Variants in ADGRB3 observed in about 807,000 individuals in gnomAD.
ADGRB3 encodes the protein adhesion G protein-coupled receptor B3, also known as brain-specific angiogenesis inhibitor 3.
In ADGRB3, 37 loss-of-function variants were observed where a neutral mutation model predicts 193.4. The observed-to-expected ratio is 0.19, with a 90% confidence interval of 0.15 to 0.25. ADGRB3 has a LOEUF of 0.25. Among genes scored for constraint, ADGRB3 ranks in the 10% least tolerant of loss-of-function variants. The pLI is 1.00. For synonymous variants in ADGRB3, 690 were observed against 644.2 expected (o/e 1.07, Z -1.08); for missense variants, 1,637 against 1,852.9 (o/e 0.88, Z 2.14).
intron 13 of ADGRB3, among the ~76,000 whole-genome samples, chr6:69,029,659 T>A (rs887358750): frequency 5.3e-5 from 8 of 152,122 alleles, no homozygotes; most frequent in Non-Finnish European, 7.4e-5. Context: ...GCTTAAGGAC[T>A]GAAGAATGAA....
chr6:68,940,480 C>G (rs570228311), intron 5 of ADGRB3, among the ~76,000 whole-genome samples: 8 of 146,322 alleles, frequency 5.5e-5, no homozygotes, highest in Non-Finnish European at 1.0e-4. Flanking sequence ...CTGAGAGCCA[C>G]TGGTGTACTC....
chr6:68,669,820 T>C (rs1199907444), intron 3 of ADGRB3, among the ~76,000 whole-genome samples: 1 of 151,884 alleles, frequency 6.6e-6, no homozygotes, highest in Non-Finnish European at 1.5e-5. Flanking sequence ...GGTAGCTCAA[T>C]TTTTAGATTT....
chr6:68,797,237 C>T lies in ADGRB3; in HGVS notation c.758-133322C>T, dbSNP rs566765234. ...AAGAGGAGAACACGACTCCTGCCCC[C>T]TAGCAGTTCACTGCCCAGTGAGAGG... On this transcript the variant is annotated intron_variant, in intron 3 of 31. Transcript: ENST00000370598. Among the ~76,000 whole-genome samples the T allele has an allele frequency of 5.3e-5, 8 of 152,258 alleles. No homozygotes were observed. In the East Asian group the frequency reaches 1.2e-3, roughly 22 times the overall value.
intron 3 of ADGRB3, among the ~76,000 whole-genome samples, chr6:68,755,322 G>A (rs1766278142): frequency 6.6e-6 from 1 of 152,186 alleles, no homozygotes; most frequent in African/African-American, 2.4e-5. Context: ...CCTGTCTCCA[G>A]AGGAGGTTGG....
chr6:69,227,434 T>C (rs556677088), intron 17 of ADGRB3, among the ~76,000 whole-genome samples: 2 of 152,298 alleles, frequency 1.3e-5, no homozygotes, highest in South Asian at 2.1e-4. Flanking sequence ...TTTACATAAT[T>C]GTCGACAGGA....
In ADGRB3 at chr6:68,993,941, C is replaced by T. The variant is rs748027667; in HGVS notation, c.1908C>T (p.Ile636=). 5.0e-6 allele frequency: 8 copies of T among 1,613,598 alleles called. No individual in the cohort carries two copies. Among genetic ancestry groups the T allele is most frequent in the Non-Finnish European group, 6.8e-6 (8 of 1,179,694 alleles). The change falls in exon 11 of 32, where the codon ATC becomes ATT. Residue 636 remains isoleucine (I), a synonymous_variant. Transcript: ENST00000370598. The part of the protein sequence containing the change: ...VTDTFKRASY[I]PASDGVQNFF... The stretch of plus-strand genomic sequence containing the variant: ...ACACATTTAAAAGGGCAAGTTACAT[C>T]CCTGCATCTGATGGTGTCCAGGTAA...
chr6:68,652,593 A>G (rs1298936184), intron 3 of ADGRB3, among the ~76,000 whole-genome samples: 1 of 152,190 alleles, frequency 6.6e-6, no homozygotes, highest in East Asian at 1.9e-4. Flanking sequence ...ATACTAGTTT[A>G]ATTAGATAAA....
Position 69,324,880 on chromosome 6 carries a change from C to G in ADGRB3, c.2823C>G (p.Cys941Trp). 6.2e-7 allele frequency: 1 copy of G among 1,613,520 alleles called. No homozygotes were observed. Among genetic ancestry groups the G allele is most frequent in the Non-Finnish European group, 8.5e-7 (1 of 1,179,672 alleles). Residue 941 changes from cysteine (C) to tryptophan (W), a missense_variant, in exon 21 of 32, where the codon TGC becomes TGG. By Grantham distance (215) the Cys-to-Trp change is radical. Coordinates refer to ENST00000370598, the MANE Select transcript of ADGRB3 (RefSeq NM_001704.3). ...GQTQTHNKSI[C>W]TTTTAFLHFF... The stretch of plus-strand genomic sequence containing the variant: ...TTTGTTTGTTTCCACAGAGTATCTG[C>G]ACAACCACCACTGCATTTTTGCACT...
At chr6:69,311,834 T>A (rs1768201343) in intron 20 of ADGRB3, among the ~76,000 whole-genome samples, 2 of 151,820 alleles carry the variant, frequency 1.3e-5, no homozygotes, top group African/African-American at 4.8e-5. Context: ...TTCATCAATT[T>A]CTCCATGTGA....
chr6:69,031,853 G>A (rs1236156911), intron 13 of ADGRB3, among the ~76,000 whole-genome samples: 3 of 151,658 alleles, frequency 2.0e-5, no homozygotes, highest in Middle Eastern at 3.2e-3. Context: ...GGTTAGTCTC[G>A]AACTCCTGGA....
chr6:68,751,819 T>G (rs1463359865), intron 3 of ADGRB3, among the ~76,000 whole-genome samples: 1 of 152,204 alleles, frequency 6.6e-6, no homozygotes, highest in Non-Finnish European at 1.5e-5. Flanking sequence ...TTATTTTAAT[T>G]AATAAGCATA....
At position 69,338,834 on chromosome 6, in the gene ADGRB3, A is replaced by G. The variant is rs981038636; in HGVS notation, c.3189-82A>G. ...TACTTTTCTGCATGAAATCGTATTT[A>G]AAAGCTAACTTGAAGCAGCAATTTT... On this transcript the variant is annotated intron_variant, in intron 24 of 31. Transcript: ENST00000370598. The G allele has an allele frequency of 2.9e-5, 34 of 1,171,306 alleles. No homozygotes were observed. In the African/African-American group the frequency reaches 4.4e-4, roughly 15 times the overall value. 72.6% of individuals were successfully genotyped at this position (1,171,306 alleles called of 1,614,324 possible).
intron 3 of ADGRB3, among the ~76,000 whole-genome samples, chr6:68,783,592 G>T (rs1197439989): frequency 6.6e-6 from 1 of 151,708 alleles, no homozygotes; most frequent in African/African-American, 2.4e-5. Context: ...CTATCTAGCT[G>T]AAGGTAATTC....
intron 3 of ADGRB3, among the ~76,000 whole-genome samples, chr6:68,888,258 T>C (rs1315902567): frequency 1.3e-5 from 2 of 152,118 alleles, no homozygotes; most frequent in African/African-American, 2.4e-5. Context: ...AGAAGATCCA[T>C]GACAACAGTG....
intron 10 of ADGRB3, 93 bp downstream of exon 10, chr6:68,975,433 A>G (rs1582364041): frequency 3.3e-6 from 3 of 901,808 alleles, no homozygotes; most frequent in Non-Finnish European, 1.7e-6. Context: ...CAATCAAATC[A>G]GTAACATCTC....
At chr6:68,731,206 C>A (rs1258619824) in intron 3 of ADGRB3, among the ~76,000 whole-genome samples, 1 of 151,476 alleles carries the variant, frequency 6.6e-6, no homozygotes, top group Non-Finnish European at 1.5e-5. Context: ...AATTCTATAT[C>A]TAATTATTTT....
intron 3 of ADGRB3, among the ~76,000 whole-genome samples, chr6:68,852,794 A>T (rs1334304965): frequency 6.6e-6 from 1 of 152,036 alleles, no homozygotes; most frequent in Non-Finnish European, 1.5e-5. Flanking sequence ...AGACTAGATA[A>T]CTAATTTAGT....
intron 3 of ADGRB3, among the ~76,000 whole-genome samples, chr6:68,726,059 A>C (rs2127327716): frequency 6.6e-6 from 1 of 151,658 alleles, no homozygotes; most frequent in Non-Finnish European, 1.5e-5. Flanking sequence ...TCCCCATATA[A>C]TTTCTAGATA....
intron 20 of ADGRB3, among the ~76,000 whole-genome samples, chr6:69,288,222 G>A (rs757858432): frequency 6.6e-5 from 10 of 152,050 alleles, no homozygotes; most frequent in East Asian, 3.9e-4. Context: ...AACAGGCCCC[G>A]GGGTGTGATG....
Sources: allele counts gnomAD v4.1 joint callset (sites outside exome capture counted in the v4.1 genomes callset), GRCh38; gene constraint gnomAD v4.1.1; transcripts MANE v1.5; gene names NCBI Gene and HGNC (gene_info 2026-07-23, HGNC 2026-07-21).